ITCH: variants seen among roughly 807,000 people sequenced by gnomAD.
ITCH encodes the protein itchy E3 ubiquitin protein ligase.
ITCH carries 28 observed loss-of-function variants against 126.8 expected under a neutral mutation model. That is an observed-to-expected ratio of 0.22 (90% confidence interval 0.16 to 0.30). The LOEUF is 0.30. Ranked by LOEUF, ITCH falls within the 10% of genes least tolerant of loss-of-function variation. The pLI, the probability that ITCH is intolerant of heterozygous loss-of-function variation, is 1.00. For missense variants in ITCH, 631 were observed against 1,032.4 expected, an observed-to-expected ratio of 0.61 and a Z score of 5.33; for synonymous variants, 342 against 340.0, an observed-to-expected ratio of 1.01 and a Z score of -0.06.
At chr20:34,364,066 G>A (rs1231140458) in intron 1 of ITCH, among the ~76,000 whole-genome samples, 3 of 152,182 alleles carry the variant, frequency 2.0e-5, no homozygotes, top group African/African-American at 4.8e-5. Context: ...GTCGAAGCAT[G>A]ATGACATGAC....
intron 19 of ITCH, 73 bp downstream of exon 19, chr20:34,480,805 A>C (rs2146471153): frequency 8.2e-7 from 1 of 1,215,594 alleles, no homozygotes. Flanking sequence ...TAACTTATCC[A>C]AACTGTAGGC....
chr20:34,485,046 C>T (rs1301767708), intron 20 of ITCH, among the ~76,000 whole-genome samples: 5 of 152,124 alleles, frequency 3.3e-5, no homozygotes, highest in African/African-American at 9.7e-5. Flanking sequence ...AGTATGTACT[C>T]TTATATCTAG....
intron 4 of ITCH, among the ~76,000 whole-genome samples, chr20:34,409,425 G>A (rs192187399): frequency 6.6e-6 from 1 of 152,154 alleles, no homozygotes; most frequent in Non-Finnish European, 1.5e-5. Flanking sequence ...ATGAGATGGG[G>A]TCTTGCTATG....
intron 1 of ITCH, among the ~76,000 whole-genome samples, chr20:34,368,576 G>C (rs756385775): frequency 3.3e-5 from 5 of 152,068 alleles, no homozygotes; most frequent in African/African-American, 1.2e-4. Context: ...AGCATTCTCT[G>C]GTTGGGAGGT....
chr20:34,481,558 A>G (rs898942570), intron 20 of ITCH, among the ~76,000 whole-genome samples: 2 of 152,082 alleles, frequency 1.3e-5, no homozygotes, highest in Non-Finnish European at 2.9e-5. Flanking sequence ...CATATCCAAG[A>G]CTGGGCAATT....
At position 34,463,607 on chromosome 20, in the gene ITCH, GT is replaced by G. The variant is rs955876341; in HGVS notation, c.1424+1396del. Among the ~76,000 whole-genome samples the G allele has an allele frequency of 2.9e-4, 42 of 144,890 alleles. 1 individual carries two copies. The highest frequency in any genetic ancestry group is 1.5e-3 in the South Asian group (7 of 4,638). On this transcript the variant is annotated intron_variant, in intron 14 of 24. Coordinates refer to ENST00000374864, the MANE Select transcript of ITCH (RefSeq NM_031483.7). ...TCTGTACGTTCTCATCAACTCTTCT[GT>G]TTTTTTTTTCTTCATCATCATCATA...
chr20:34,474,951 G>A (rs556503581), intron 16 of ITCH, among the ~76,000 whole-genome samples: 2 of 150,532 alleles, frequency 1.3e-5, no homozygotes, highest in Non-Finnish European at 3.0e-5. Context: ...GGGTGGCTGG[G>A]CAGAGATGCT....
chr20:34,382,718 TTTATTATTACTATTATTA>T (rs528783513), intron 2 of ITCH, among the ~76,000 whole-genome samples: 8 of 126,512 alleles, frequency 6.3e-5, no homozygotes, highest in African/African-American at 2.5e-4. Flanking sequence ...AATAATTCTT[TTTATTATTACTATTATTA>T]TTATTATTAT....
chr20:34,450,326 G>C (rs1030872831), intron 12 of ITCH, among the ~76,000 whole-genome samples: 4 of 152,106 alleles, frequency 2.6e-5, no homozygotes, highest in African/African-American at 4.8e-5. Context: ...AATCACATTG[G>C]TTCTCCTAAA....
At chr20:34,417,329 T>C in intron 6 of ITCH, 1 of 353,562 alleles carries the variant, frequency 2.8e-6, no homozygotes, top group South Asian at 3.1e-5. Context: ...ACTCCCGACC[T>C]CAGGTGATCC....
chr20:34,473,338 A>G (rs1470174253), intron 16 of ITCH, among the ~76,000 whole-genome samples: 3 of 152,194 alleles, frequency 2.0e-5, no homozygotes, highest in Non-Finnish European at 4.4e-5. Flanking sequence ...ATTTATTTAT[A>G]GTAAAGATAA....
chr20:34,418,628 C>T (rs1015065367), intron 6 of ITCH, among the ~76,000 whole-genome samples: 14 of 151,836 alleles, frequency 9.2e-5, no homozygotes, highest in African/African-American at 3.1e-4. Flanking sequence ...TAGAGATAAA[C>T]TTTGCTGTAA....
chr20:34,408,024 C>T (rs779072049), intron 3 of ITCH, among the ~76,000 whole-genome samples: 2 of 152,170 alleles, frequency 1.3e-5, no homozygotes, highest in Non-Finnish European at 2.9e-5. Context: ...CACCTAGGCT[C>T]AAGCAGTCCT....
At chr20:34,411,312 C>T (rs1979000229) in intron 4 of ITCH, among the ~76,000 whole-genome samples, 2 of 152,088 alleles carry the variant, frequency 1.3e-5, no homozygotes, top group Non-Finnish European at 2.9e-5. Context: ...CCACCACTCT[C>T]AACTAATTTT....
chr20:34,410,066 AAG>A (rs1555860285), intron 4 of ITCH, among the ~76,000 whole-genome samples: 3 of 150,888 alleles, frequency 2.0e-5, no homozygotes, highest in African/African-American at 7.3e-5. Context: ...AAAAAAAAAA[AAG>A]AAGAAAAAGA....
rs1978786736 is a variant in ITCH at position 34,511,347 on chromosome 20, C to G, written c.*3553C>G. 6.6e-6 allele frequency: 1 copy of G among 152,160 alleles called. No homozygotes were observed. 9.4% of individuals were successfully genotyped at this position (152,160 alleles called of 1,614,324 possible). A position where few individuals can be genotyped will look rare whatever the true frequency, so the allele number is the denominator to read the frequency against. On this transcript the variant is annotated 3_prime_UTR_variant, in exon 25 of 25. Coordinates refer to ENST00000374864, the MANE Select transcript of ITCH (RefSeq NM_031483.7). Reference sequence around the variant, plus strand: ...TCAGTGGTTGCCTCACTTGCGTTTTCCTACAAGATGTAAGACTGTTTATAA... The same window carrying G: ...TCAGTGGTTGCCTCACTTGCGTTTTGCTACAAGATGTAAGACTGTTTATAA...
At chr20:34,394,869 A>G (rs1368727154) in intron 3 of ITCH, among the ~76,000 whole-genome samples, 1 of 152,162 alleles carries the variant, frequency 6.6e-6, no homozygotes, top group East Asian at 1.9e-4. Flanking sequence ...GGCCTGGGAC[A>G]AAGTCTGTTT....
At chr20:34,364,297 C>T (rs2122929119) in intron 1 of ITCH, among the ~76,000 whole-genome samples, 1 of 152,268 alleles carries the variant, frequency 6.6e-6, no homozygotes, top group East Asian at 1.9e-4. Flanking sequence ...TTCTGCCATT[C>T]TTCCACAGCT....
intron 1 of ITCH, among the ~76,000 whole-genome samples, chr20:34,364,248 G>C (rs957317871): frequency 2.0e-5 from 3 of 152,076 alleles, no homozygotes; most frequent in Non-Finnish European, 4.4e-5. Flanking sequence ...ACGCAACCTT[G>C]TTTTCTTGGT....
Sources: gnomAD v4.1 joint callset for allele counts (sites outside exome capture counted in the v4.1 genomes callset) on GRCh38, gnomAD v4.1.1 for gene constraint, MANE v1.5 for transcripts, NCBI Gene and HGNC (gene_info 2026-07-23, HGNC 2026-07-21) for gene names.